NAV2: variants seen among roughly 807,000 people sequenced by gnomAD.
NAV2 encodes the protein helicase, APC down-regulated 1.
In NAV2, 54 loss-of-function variants were observed where a neutral mutation model predicts 223.2. The observed-to-expected ratio is 0.24, with a 90% confidence interval of 0.19 to 0.30. NAV2 has a LOEUF of 0.30. Ranked by LOEUF, NAV2 falls within the 10% of genes least tolerant of loss-of-function variation. The pLI is 1.00. For synonymous variants in NAV2, 1,279 were observed against 1,239.3 expected (o/e 1.03, Z -0.67); for missense variants, 2,806 against 3,147.5 (o/e 0.89, Z 2.60).
intron 10 of NAV2, among the ~76,000 whole-genome samples, chr11:19,956,911 G>A (rs2707089): frequency 0.32 from 48,617 of 151,994 alleles, 8,796 homozygotes; most frequent in African/African-American, 0.48. Flanking sequence ...CTCGCAACCA[G>A]CTCCTATCCT....
chr11:19,542,946 G>A (rs1470077789), intron 1 of NAV2, among the ~76,000 whole-genome samples: 1 of 152,190 alleles, frequency 6.6e-6, no homozygotes, highest in Admixed American at 6.5e-5. Flanking sequence ...CCCTGATCAG[G>A]GATGAAGCCC....
chr11:19,434,476 GA>G (rs1438587353), intron 1 of NAV2, among the ~76,000 whole-genome samples: 2 of 152,270 alleles, frequency 1.3e-5, no homozygotes, highest in Admixed American at 1.3e-4. Context: ...AGGAAGTGAG[GA>G]GTTTTTCAGT....
chr11:19,679,908 G>C (rs1316198835), intron 1 of NAV2, among the ~76,000 whole-genome samples: 3 of 152,228 alleles, frequency 2.0e-5, no homozygotes, highest in Non-Finnish European at 4.4e-5. Flanking sequence ...ATTTAGTGCT[G>C]AAGGCAAGAG....
At chr11:20,091,321 C>A (rs1354540232) in intron 27 of NAV2, among the ~76,000 whole-genome samples, 1 of 152,164 alleles carries the variant, frequency 6.6e-6, no homozygotes. Context: ...CACTGTTAAT[C>A]CACACCACCC....
intron 11 of NAV2, among the ~76,000 whole-genome samples, chr11:19,988,734 G>A (rs1463123849): frequency 1.3e-5 from 2 of 152,128 alleles, no homozygotes; most frequent in African/African-American, 4.8e-5. Context: ...GTCTCATGGT[G>A]TGAGAATGTA....
chr11:19,472,524 G>T (rs952401251), intron 1 of NAV2, among the ~76,000 whole-genome samples: 10 of 152,106 alleles, frequency 6.6e-5, no homozygotes, highest in African/African-American at 2.4e-4. Flanking sequence ...GAGTAATACA[G>T]GGCGGGTGTA....
At chr11:20,074,758 TG>T (rs2059613791) in intron 22 of NAV2, among the ~76,000 whole-genome samples, 3 of 117,324 alleles carry the variant, frequency 2.6e-5, no homozygotes, top group African/African-American at 3.8e-5. Context: ...ATTGCAACTC[TG>T]CTTTTTTTTT....
chr11:19,454,305 TG>T (rs1231974581), intron 1 of NAV2, among the ~76,000 whole-genome samples: 1 of 152,104 alleles, frequency 6.6e-6, no homozygotes, highest in South Asian at 2.1e-4. Context: ...CTCATAGGGT[TG>T]GGGGCCACAG....
In NAV2 at chr11:19,713,634, T is replaced by C; in HGVS notation, c.-62T>C. The C allele has an allele frequency of 6.7e-7, 1 of 1,494,800 alleles. No homozygotes were observed. The highest frequency in any genetic ancestry group is 1.4e-5 in the South Asian group (1 of 72,142). The allele number at this position is 1,494,800 out of a possible 1,614,324, so 92.6% of individuals were successfully genotyped here. A position where few individuals can be genotyped will look rare whatever the true frequency, so the allele number is the denominator to read the frequency against. ...CCTGCTCTGCTACCCGCGCTGCCTTTAGCGGTCGCCCCCGCCGCCGCTGCC... is the reference window on the plus strand; with the variant it reads ...CCTGCTCTGCTACCCGCGCTGCCTTCAGCGGTCGCCCCCGCCGCCGCTGCC... On this transcript the variant is annotated 5_prime_UTR_variant, in exon 1 of 38. Coordinates refer to ENST00000349880, the MANE Select transcript of NAV2 (RefSeq NM_145117.5). The surrounding 1 kb of genome is among the most constrained non-coding windows in gnomAD (Gnocchi z 7.2).
intron 10 of NAV2, among the ~76,000 whole-genome samples, chr11:19,975,159 T>G (rs931777116): frequency 1.3e-5 from 2 of 152,214 alleles, no homozygotes; most frequent in Non-Finnish European, 2.9e-5. Context: ...AAATATTTGC[T>G]GCAATTCCAC....
rs769095084 is a variant in NAV2, at chr11:20,036,134, C to G, written c.2907+37C>G. The G allele has an allele frequency of 2.0e-5, 33 of 1,613,390 alleles. No homozygotes were observed. In the Admixed American group the frequency reaches 5.3e-4, roughly 26 times the overall value. On this transcript the variant is annotated intron_variant, in intron 12 of 37. Transcript: ENST00000349880. ...AGGCCCTCCCAGGCTCCTCCAGCAG[C>G]CTCTGGCAGCAGGGAACCTTGGGCT...
intron 1 of NAV2, among the ~76,000 whole-genome samples, chr11:19,522,073 G>A (rs985013945): frequency 4.6e-5 from 7 of 152,152 alleles, no homozygotes; most frequent in Admixed American, 1.3e-4. Flanking sequence ...TGAGGATAAG[G>A]CCTGCTACAT....
chr11:19,391,300 G>T (rs1210656718), intron 1 of NAV2, among the ~76,000 whole-genome samples: 1 of 152,050 alleles, frequency 6.6e-6, no homozygotes, highest in Non-Finnish European at 1.5e-5. Flanking sequence ...CTGTGTTAGT[G>T]TCTCACCTCT....
At chr11:19,349,083 A>AG (rs1254189907), upstream of NAV2, among the ~76,000 whole-genome samples, 4 of 152,196 alleles carry the variant, frequency 2.6e-5, no homozygotes, top group African/African-American at 9.7e-5. Flanking sequence ...GGGTCAGCAG[A>AG]GGGCTTCAGT....
intron 36 of NAV2, among the ~76,000 whole-genome samples, chr11:20,110,097 C>T (rs2062497794): frequency 6.6e-6 from 1 of 152,232 alleles, no homozygotes; most frequent in Middle Eastern, 3.2e-3. Flanking sequence ...AGGCCCCAGC[C>T]ATCTGGGGCA....
chr11:20,093,263 G>C, intron 29 of NAV2, 64 bp downstream of exon 29: 1 of 1,083,374 alleles, frequency 9.2e-7, no homozygotes. Context: ...CTAGCTTAGT[G>C]ATCTAATTGT....
chr11:20,066,436 C>A (rs1423851002), intron 20 of NAV2, among the ~76,000 whole-genome samples: 1 of 152,168 alleles, frequency 6.6e-6, no homozygotes, highest in Non-Finnish European at 1.5e-5. Context: ...AGACATTTAA[C>A]GTCTCTGAAC....
At chr11:19,438,026 A>G (rs1173666084) in intron 1 of NAV2, among the ~76,000 whole-genome samples, 1 of 152,198 alleles carries the variant, frequency 6.6e-6, no homozygotes, top group Non-Finnish European at 1.5e-5. Context: ...AAAAGCCTTC[A>G]CTGGGGCTAG....
At chr11:20,109,032 T>G (rs1043198970) in intron 36 of NAV2, among the ~76,000 whole-genome samples, 4 of 152,206 alleles carry the variant, frequency 2.6e-5, no homozygotes, top group African/African-American at 9.6e-5. Flanking sequence ...GTGCAGGGAC[T>G]GGTGTGCACC....
Sources: allele counts gnomAD v4.1 joint callset (sites outside exome capture counted in the v4.1 genomes callset), GRCh38; gene constraint gnomAD v4.1.1; non-coding constraint Gnocchi (gnomAD v3.1); transcripts MANE v1.5; gene names NCBI Gene and HGNC (gene_info 2026-07-23, HGNC 2026-07-21).